Variants in ZNF70 observed in about 807,000 individuals in gnomAD.
ZNF70 encodes the protein zinc finger protein N27C7-1.
Under a neutral mutation model 37.7 loss-of-function variants are expected in ZNF70, and 18 were observed. The observed-to-expected ratio is 0.48, with a 90% CI of 0.33 to 0.71. ZNF70 has a LOEUF of 0.71. ZNF70 is among the 30% of genes least tolerant of loss of function. The probability of loss-of-function intolerance (pLI) is 0.02; values close to 1 mark genes in which losing one functional copy is unlikely to be tolerated. For missense variants in ZNF70, 506 were observed against 568.6 expected, an observed-to-expected ratio of 0.89 and a Z score of 1.12; for synonymous variants, 219 against 220.1, an observed-to-expected ratio of 0.99 and a Z score of 0.05.
chr22:23,748,098 C>A (rs760962100), intron 1 of ZNF70, among the ~76,000 whole-genome samples: 1 of 151,774 alleles, frequency 6.6e-6, no homozygotes, highest in African/African-American at 2.4e-5. Flanking sequence ...ACTAATAGGT[C>A]CTTCAAGGCA....
In ZNF70 at chr22:23,745,062, G is replaced by A; in HGVS notation, c.79C>T (p.Pro27Ser). The change falls in exon 2 of 2, where the codon CCA becomes TCA. Residue 27 changes from proline (P) to serine (S), a missense_variant. Coordinates refer to ENST00000341976, the MANE Select transcript of ZNF70 (RefSeq NM_021916.4). ...NRLESQQGLF[P>S]GEDLGDPFLQ... The stretch of plus-strand genomic sequence containing the variant: ...AAAGGGTCCCCCAGGTCCTCCCCTG[G>A]GAAAAGCCCTTGTTGTGACTCTAAC... 2 of 1,614,170 alleles carry A rather than the reference G, an allele frequency of 1.2e-6. No individual in the cohort carries two copies. Among genetic ancestry groups the A allele is most frequent in the Non-Finnish European group, 1.7e-6 (2 of 1,180,034 alleles).
intron 1 of ZNF70, among the ~76,000 whole-genome samples, chr22:23,748,599 C>T (rs1413850243): frequency 2.0e-5 from 3 of 148,138 alleles, no homozygotes; most frequent in Admixed American, 1.4e-4. Flanking sequence ...GCCAGGAGTG[C>T]AATGGCCCAA....
In ZNF70 at chr22:23,743,895, C is replaced by A; in HGVS notation, c.1246G>T (p.Glu416Ter). 6.2e-7 allele frequency: 1 copy of A among 1,613,124 alleles called. No homozygotes were observed. The change falls in exon 2 of 2, where the codon GAG becomes TAG. Residue 416 changes from glutamate (E) to a stop codon, truncating the protein, a stop_gained. Transcript: ENST00000341976. LOFTEE classifies it high-confidence loss of function. ...LIEHYKTHTREKPYVCNLCGK... is the reference protein window; with the variant it reads ...LIEHYKTHTR ...CACAGATTGCACACGTAGGGCTTCT[C>A]TCTGGTGTGGGTTTTATAGTGCTCA... is the stretch of plus-strand genomic sequence containing the variant.
chr22:23,744,468 C>G lies in ZNF70; in HGVS notation c.673G>C (p.Glu225Gln), dbSNP rs771352040. 1.3e-5 allele frequency: 21 copies of G among 1,613,694 alleles called. No individual in the cohort carries two copies. The highest frequency in any genetic ancestry group is 1.7e-5 in the Non-Finnish European group (20 of 1,179,968). Residue 225 changes from glutamate to glutamine, a missense_variant, in exon 2 of 2, where the codon GAG (glutamate) becomes CAG (glutamine). Transcript: ENST00000341976. ...AAATCTTTCCCGCATTCCCTGCACT[C>G]GTAGGGCCTCTTTCCGGTGTGGATC... ...QKIHTGKRPYECRECGKDFSR... is the reference protein window; with the variant it reads ...QKIHTGKRPYQCRECGKDFSR...
chr22:23,744,183 T>G lies in ZNF70; in HGVS notation c.958A>C (p.Ser320Arg), dbSNP rs768367038. Residue 320 changes from serine (S) to arginine (R), a missense_variant, in exon 2 of 2, where the codon AGC becomes CGC. Ser to Arg is a moderately radical substitution (Grantham distance 110). Coordinates refer to ENST00000341976, the MANE Select transcript of ZNF70 (RefSeq NM_021916.4). Reference sequence around the variant, plus strand: ...TTGCGGTGCTCAATGAGGTTGGAGCTCTGGCTGAAGGCCTTCCCGCACTCA... The same window carrying G: ...TTGCGGTGCTCAATGAGGTTGGAGCGCTGGCTGAAGGCCTTCCCGCACTCA... ...CDECGKAFSQ[S>R]SNLIEHRKTH... 15 of 1,614,148 alleles carry G rather than the reference T, an allele frequency of 9.3e-6. No individual in the cohort carries two copies. Among genetic ancestry groups the G allele is most frequent in the Admixed American group, 3.3e-5 (2 of 60,006 alleles).
At chr22:23,750,194 A>G (rs937298021) in intron 1 of ZNF70, among the ~76,000 whole-genome samples, 2 of 152,112 alleles carry the variant, frequency 1.3e-5, no homozygotes, top group African/African-American at 4.8e-5. Flanking sequence ...CCCATCTGGC[A>G]CTGCTCTCCA....
Position 23,739,226 on chromosome 22 carries a change from A to C in ZNF70, c.*4574T>G, listed in dbSNP as rs1223921706. On this transcript the variant is annotated 3_prime_UTR_variant, in exon 2 of 2. Transcript: ENST00000341976. ...CTTAGAAATGTTGACACCACAGTAC[A>C]GTAAGAAATAAGCAGCAATACCCTA... The C allele has an allele frequency of 6.6e-6, 1 of 152,202 alleles. No homozygotes were observed. The highest frequency in any genetic ancestry group is 1.5e-5 in the Non-Finnish European group (1 of 68,042). 9.4% of individuals were successfully genotyped at this position (152,202 alleles called of 1,614,324 possible). A position where few individuals can be genotyped will look rare whatever the true frequency, so the allele number is the denominator to read the frequency against.
At chr22:23,746,900 T>C (rs1033250224) in intron 1 of ZNF70, among the ~76,000 whole-genome samples, 1 of 152,292 alleles carries the variant, frequency 6.6e-6, no homozygotes, top group East Asian at 1.9e-4. Context: ...AGACTGCCAC[T>C]TGCTCATCCT....
chr22:23,743,414 T>G lies in ZNF70; in HGVS notation c.*386A>C. 5.1e-6 allele frequency: 1 copy of G among 195,730 alleles called. No individual in the cohort carries two copies. The highest frequency in any genetic ancestry group is 1.0e-5 in the Non-Finnish European group (1 of 95,620). 12.1% of individuals were successfully genotyped at this position (195,730 alleles called of 1,614,324 possible). Reference sequence around the variant, plus strand: ...CCAGACTGCAGCCTGTTTTAAAGAGTTCTTCTGATATTTTCCTGGGTTTAA... The same window carrying G: ...CCAGACTGCAGCCTGTTTTAAAGAGGTCTTCTGATATTTTCCTGGGTTTAA... On this transcript the variant is annotated 3_prime_UTR_variant, in exon 2 of 2. Transcript: ENST00000341976.
At position 23,740,454 on chromosome 22, in the gene ZNF70, G is replaced by A. The variant is rs1421236791; in HGVS notation, c.*3346C>T. 1 of 151,560 alleles carries A rather than the reference G, an allele frequency of 6.6e-6. No individual in the cohort carries two copies. Among genetic ancestry groups the A allele is most frequent in the Non-Finnish European group, 1.5e-5 (1 of 67,894 alleles). The allele number at this position is 151,560 out of a possible 1,614,324, so 9.4% of individuals were successfully genotyped here. On this transcript the variant is annotated 3_prime_UTR_variant, in exon 2 of 2. Coordinates refer to ENST00000341976, the MANE Select transcript of ZNF70 (RefSeq NM_021916.4). ...TTGAGAATCTAAATAGAATGAGAGA[G>A]TTTAAAAAAAAAAATCTAATAAGCT...
In ZNF70 at chr22:23,739,051, T is replaced by C. The variant is rs1924798881; in HGVS notation, c.*4749A>G. 1 of 151,886 alleles carries C rather than the reference T, an allele frequency of 6.6e-6. No homozygotes were observed. Among genetic ancestry groups the C allele is most frequent in the South Asian group, 2.1e-4 (1 of 4,826 alleles). The allele number at this position is 151,886 out of a possible 1,614,324, so 9.4% of individuals were successfully genotyped here. A position where few individuals can be genotyped will look rare whatever the true frequency, so the allele number is the denominator to read the frequency against. On this transcript the variant is annotated 3_prime_UTR_variant, in exon 2 of 2. Transcript: ENST00000341976. Reference sequence around the variant, plus strand: ...CCCAGATTAAGAACTCTAAAGTAAATGAAAGTCAGAGAAAATATGGATTTG... The same window carrying C: ...CCCAGATTAAGAACTCTAAAGTAAACGAAAGTCAGAGAAAATATGGATTTG...
rs752309236 is a variant in ZNF70 at position 23,743,845 on chromosome 22, C to T, written c.1296G>A (p.Ser432=). Residue 432 remains serine (S), a synonymous_variant, in exon 2 of 2, where the codon TCG becomes TCA. Coordinates refer to ENST00000341976, the MANE Select transcript of ZNF70 (RefSeq NM_021916.4). ...GAATCTTCTGATGGCGAATCAGGTG[C>T]GAGCTCCCCCGGAAGGACTTGCCGC... The part of the protein sequence containing the change: ...NLCGKSFRGS[S]HLIRHQKIHS... The T allele has an allele frequency of 6.8e-5, 109 of 1,614,048 alleles. No homozygotes were observed. In the Middle Eastern group the frequency reaches 8.2e-4, roughly 12 times the overall value.
Position 23,743,922 on chromosome 22 carries a change from T to C in ZNF70, c.1219A>G (p.Ile407Val). 1 of 1,613,284 alleles carries C rather than the reference T, an allele frequency of 6.2e-7. No individual in the cohort carries two copies. Among genetic ancestry groups the C allele is most frequent in the Non-Finnish European group, 8.5e-7 (1 of 1,179,238 alleles). The change falls in exon 2 of 2, where the codon ATT (isoleucine) becomes GTT (valine). Residue 407 changes from isoleucine (I) to valine (V), a missense_variant. Coordinates refer to ENST00000341976, the MANE Select transcript of ZNF70 (RefSeq NM_021916.4). ...CTGGTGTGGGTTTTATAGTGCTCAA[T>C]GAGGGCTGACCGGTGCCGGAAGGCT... The part of the protein sequence containing the change: ...GKAFRHRSAL[I>V]EHYKTHTREK...
intron 1 of ZNF70, among the ~76,000 whole-genome samples, chr22:23,749,484 C>G (rs1249881976): frequency 7.2e-6 from 1 of 139,620 alleles, no homozygotes; most frequent in Admixed American, 7.4e-5. Context: ...GCCGAGATCG[C>G]GCCACTGCAC....
chr22:23,744,050 T>C lies in ZNF70; in HGVS notation c.1091A>G (p.Tyr364Cys), dbSNP rs766516675. ...GGCCTTGCCACACTGACAGCACTCG[T>C]AGGGCTTCTCACCGGTGTGGATGCG... ...HQRIHTGEKP[Y>C]ECCQCGKAFC... Residue 364 changes from tyrosine (Y) to cysteine (C), a missense_variant, in exon 2 of 2, where the codon TAC (tyrosine) becomes TGC (cysteine). By Grantham distance (194) the Tyr-to-Cys change is radical. Coordinates refer to ENST00000341976, the MANE Select transcript of ZNF70 (RefSeq NM_021916.4). 6.2e-7 allele frequency: 1 copy of C among 1,614,236 alleles called. No homozygotes were observed. Among genetic ancestry groups the C allele is most frequent in the Non-Finnish European group, 8.5e-7 (1 of 1,180,026 alleles).
At chr22:23,746,203 T>C (rs1925116947) in intron 1 of ZNF70, among the ~76,000 whole-genome samples, 1 of 120,576 alleles carries the variant, frequency 8.3e-6, no homozygotes, top group African/African-American at 5.0e-5. Context: ...GTGGTTCCCT[T>C]TTTTTTTTTT....
Position 23,744,455 on chromosome 22 carries a change from C to T in ZNF70, c.686G>A (p.Cys229Tyr). Residue 229 changes from cysteine to tyrosine, a missense_variant, in exon 2 of 2, where the codon TGC becomes TAC. Coordinates refer to ENST00000341976, the MANE Select transcript of ZNF70 (RefSeq NM_021916.4). ...GGAGCTCCGGCTGAAATCTTTCCCG[C>T]ATTCCCTGCACTCGTAGGGCCTCTT... ...TGKRPYECRE[C>Y]GKDFSRSSSL... The T allele has an allele frequency of 1.9e-6, 3 of 1,614,124 alleles. No homozygotes were observed. The highest frequency in any genetic ancestry group is 2.5e-6 in the Non-Finnish European group (3 of 1,180,030).
chr22:23,743,953 A>C lies in ZNF70; in HGVS notation c.1188T>G (p.Cys396Trp). 6.2e-7 allele frequency: 1 copy of C among 1,613,468 alleles called. No individual in the cohort carries two copies. Among genetic ancestry groups the C allele is most frequent in the Non-Finnish European group, 8.5e-7 (1 of 1,179,412 alleles). The change falls in exon 2 of 2, where the codon TGT becomes TGG. Residue 396 changes from cysteine (C) to tryptophan (W), a missense_variant. Transcript: ENST00000341976. ...CTGACCGGTGCCGGAAGGCTTTGCC[A>C]CACTCGCAGGTGTAGGGCTTCTTGC... Reference protein sequence around the residue: ...HTGKKPYTCECGKAFRHRSAL... With the variant: ...HTGKKPYTCEWGKAFRHRSAL...
intron 1 of ZNF70, among the ~76,000 whole-genome samples, chr22:23,746,203 T>TC (rs1925117069): frequency 2.5e-5 from 3 of 120,576 alleles, no homozygotes; most frequent in Middle Eastern, 3.5e-3. Context: ...GTGGTTCCCT[T>TC]TTTTTTTTTT....
Sources: allele counts gnomAD v4.1 joint callset (sites outside exome capture counted in the v4.1 genomes callset), GRCh38; gene constraint gnomAD v4.1.1; transcripts MANE v1.5; gene names NCBI Gene and HGNC (gene_info 2026-07-23, HGNC 2026-07-21).